Variants in TP63 observed in about 807,000 individuals in gnomAD.
The protein encoded by TP63 is tumor protein 63.
Under a neutral mutation model 82.8 loss-of-function variants are expected in TP63, and 17 were observed. That is an observed-to-expected ratio of 0.21 (90% confidence interval 0.14 to 0.31). The LOEUF (loss-of-function observed/expected upper bound fraction) is 0.31. TP63 is among the 10% of genes least tolerant of loss of function. The pLI is 1.00. For synonymous variants in TP63, 330 were observed against 321.7 expected, an observed-to-expected ratio of 1.03 and a Z score of -0.28; for missense variants, 648 against 895.3, an observed-to-expected ratio of 0.72 and a Z score of 3.52.
Position 189,789,649 on chromosome 3 carries a change from A to C in TP63, c.325-18623A>C, listed in dbSNP as rs1724917698. Reference sequence around the variant, plus strand: ...AGTTGGGTATATATTAGGAAACCTTAAATTATGTACAGAGAGAGAAAGAGA... The same window carrying C: ...AGTTGGGTATATATTAGGAAACCTTCAATTATGTACAGAGAGAGAAAGAGA... On this transcript the variant is annotated intron_variant, in intron 3 of 13. Coordinates refer to ENST00000264731, the MANE Select transcript of TP63 (RefSeq NM_003722.5). 8 of 1,415,172 alleles carry C rather than the reference A, an allele frequency of 5.7e-6. No homozygotes were observed. In the South Asian group the frequency reaches 1.2e-4, roughly 21 times the overall value. 87.7% of individuals were successfully genotyped at this position (1,415,172 alleles called of 1,614,324 possible).
intron 3 of TP63, among the ~76,000 whole-genome samples, chr3:189,777,969 C>A (rs1470062009): frequency 6.7e-6 from 1 of 148,226 alleles, no homozygotes; most frequent in South Asian, 2.2e-4. Context: ...GATTCTGGTG[C>A]GTCAGCCTCC....
intron 4 of TP63, among the ~76,000 whole-genome samples, chr3:189,855,809 G>A (rs1560263770): frequency 1.3e-5 from 2 of 151,934 alleles, no homozygotes; most frequent in Admixed American, 6.6e-5. Flanking sequence ...TTTTTTTCCA[G>A]AATTCTGTGT....
chr3:189,662,208 T>C (rs1042128077), intron 1 of TP63, among the ~76,000 whole-genome samples: 2 of 152,130 alleles, frequency 1.3e-5, no homozygotes, highest in African/African-American at 4.8e-5. Flanking sequence ...TTTAGCACTA[T>C]AAACATTCAT....
intron 3 of TP63, among the ~76,000 whole-genome samples, chr3:189,789,429 A>G (rs1240067124): frequency 6.6e-6 from 1 of 151,608 alleles, no homozygotes; most frequent in Non-Finnish European, 1.5e-5. Context: ...TGAAAGAGAC[A>G]GGGAAAGTTT....
intron 1 of TP63, among the ~76,000 whole-genome samples, chr3:189,713,466 C>G (rs940761572): frequency 6.6e-6 from 1 of 152,092 alleles, no homozygotes; most frequent in African/African-American, 2.4e-5. Context: ...ACGAGTTCAT[C>G]TTATTCCAAA....
chr3:189,768,017 C>T lies in TP63; in HGVS notation c.324+29243C>T, dbSNP rs540325945. ...TCACATACAATATGTCAGCACATCACGTAAAACAAATGAAGTAGCATTTTA... is the reference window on the plus strand; with the variant it reads ...TCACATACAATATGTCAGCACATCATGTAAAACAAATGAAGTAGCATTTTA... On this transcript the variant is annotated intron_variant, in intron 3 of 13. Coordinates refer to ENST00000264731, the MANE Select transcript of TP63 (RefSeq NM_003722.5). 1.5e-4 allele frequency among the ~76,000 whole-genome samples: 23 copies of T among 152,186 alleles called. No homozygotes were observed. In the South Asian group the frequency reaches 1.9e-3, roughly 12 times the overall value.
At chr3:189,615,323 C>G in the TP63 span, among the ~76,000 whole-genome samples, 1 of 152,170 alleles carries the variant, frequency 6.6e-6, no homozygotes, top group Admixed American at 6.6e-5. Flanking sequence ...TCCTCCCTCA[C>G]CTTTCACATC....
intron 1 of TP63, among the ~76,000 whole-genome samples, chr3:189,641,811 C>A (rs1388361255): frequency 6.6e-6 from 1 of 152,158 alleles, no homozygotes; most frequent in Non-Finnish European, 1.5e-5. Context: ...CATGTTCAAT[C>A]TAAACAAGGT....
chr3:189,687,502 A>C (rs1560110595), intron 1 of TP63, among the ~76,000 whole-genome samples: 1 of 152,200 alleles, frequency 6.6e-6, no homozygotes, highest in Non-Finnish European at 1.5e-5. Flanking sequence ...CCTCCTTTGT[A>C]AAAGGGGAAC....
upstream of TP63, among the ~76,000 whole-genome samples, chr3:189,628,243 G>A (rs1729363168): frequency 6.6e-6 from 1 of 152,162 alleles, no homozygotes; most frequent in Non-Finnish European, 1.5e-5. Context: ...TGAAGGATGA[G>A]CAAGATGTGA....
chr3:189,649,715 A>G (rs1287862798), intron 1 of TP63, among the ~76,000 whole-genome samples: 1 of 146,684 alleles, frequency 6.8e-6, no homozygotes, highest in African/African-American at 2.6e-5. Context: ...ATTCAACTGC[A>G]TTTTAGAGAT....
intron 1 of TP63, among the ~76,000 whole-genome samples, chr3:189,710,948 A>C (rs764329080): frequency 6.6e-5 from 10 of 152,336 alleles, no homozygotes; most frequent in Non-Finnish European, 1.2e-4. Flanking sequence ...CAGCACACTC[A>C]TCAAACTGCC....
chr3:189,736,518 C>T (rs886436376), intron 1 of TP63, among the ~76,000 whole-genome samples: 3 of 152,070 alleles, frequency 2.0e-5, no homozygotes, highest in Non-Finnish European at 4.4e-5. Context: ...TTTGTGTTTT[C>T]GTAGTGCTGT....
chr3:189,835,040 C>T (rs1712932155), intron 4 of TP63, among the ~76,000 whole-genome samples: 1 of 151,914 alleles, frequency 6.6e-6, no homozygotes, highest in African/African-American at 2.4e-5. Flanking sequence ...TCCTGTGAGA[C>T]AAAAATGCTG....
At chr3:189,887,683 A>T (rs946058496) in intron 11 of TP63, among the ~76,000 whole-genome samples, 2 of 152,164 alleles carry the variant, frequency 1.3e-5, no homozygotes, top group East Asian at 3.9e-4. Flanking sequence ...TTGCATGGGT[A>T]TCATATAATC....
In TP63 at chr3:189,800,900, A is replaced by T. The variant is rs545973122; in HGVS notation, c.325-7372A>T. ...GATGATAAGTAGATTTCAGAGTTTT[A>T]AAATTTATTTTTATTTTTATTTTTT... On this transcript the variant is annotated intron_variant, in intron 3 of 13. Coordinates refer to ENST00000264731, the MANE Select transcript of TP63 (RefSeq NM_003722.5). 7.9e-5 allele frequency among the ~76,000 whole-genome samples: 12 copies of T among 152,268 alleles called. No homozygotes were observed. The South Asian group carries it at 2.3e-3, about 29-fold the overall frequency.
intron 3 of TP63, among the ~76,000 whole-genome samples, chr3:189,771,722 T>C (rs940149949): frequency 6.6e-5 from 10 of 151,992 alleles, no homozygotes; most frequent in Non-Finnish European, 1.3e-4. Flanking sequence ...CTCAGTTATC[T>C]GAGAGTGAGA....
At chr3:189,703,976 T>G (rs2108744325) in intron 1 of TP63, among the ~76,000 whole-genome samples, 1 of 152,342 alleles carries the variant, frequency 6.6e-6, no homozygotes, top group South Asian at 2.1e-4. Context: ...AAGGACTCTA[T>G]AGTTATCACT....
chr3:189,754,829 T>C (rs932456364), intron 3 of TP63, among the ~76,000 whole-genome samples: 2 of 152,168 alleles, frequency 1.3e-5, no homozygotes, highest in South Asian at 2.1e-4. Flanking sequence ...ATCATCCTCC[T>C]TTTGTTCTTC....
Sources: gnomAD v4.1 joint callset for allele counts (sites outside exome capture counted in the v4.1 genomes callset) on GRCh38, gnomAD v4.1.1 for gene constraint, MANE v1.5 for transcripts, NCBI Gene and HGNC (gene_info 2026-07-23, HGNC 2026-07-21) for gene names.